TENT5D: variants seen among roughly 807,000 people sequenced by gnomAD.
TENT5D encodes the protein terminal nucleotidyltransferase 5D.
For synonymous variants in TENT5D, 103 were observed against 100.6 expected (o/e 1.02, Z -0.15); for missense variants, 191 against 287.0 (o/e 0.67, Z 2.42).
At chrX:80,342,007 G>A (rs1415525367) in intron 2 of TENT5D, among the ~76,000 whole-genome samples, 36 of 111,027 alleles carry the variant, frequency 3.2e-4, no homozygotes, top group South Asian at 3.8e-4. Context: ...CACCGCGCCC[G>A]GCCATAATTC....
chrX:80,350,151 T>C (rs1319661421), intron 3 of TENT5D, among the ~76,000 whole-genome samples: 1 of 111,734 alleles, frequency 8.9e-6, no homozygotes, highest in Non-Finnish European at 1.9e-5. Context: ...GTTCTGTAGA[T>C]GTCTACTAGG....
chrX:80,390,079 A>G (rs760108106), intron 3 of TENT5D, among the ~76,000 whole-genome samples: 1 of 111,592 alleles, frequency 9.0e-6, no homozygotes, highest in South Asian at 3.8e-4. Flanking sequence ...ATTCATTCAT[A>G]GTTAACAAGA....
rs745515047 is a variant in TENT5D at position 80,443,627 on chromosome X, T to C, written c.1088T>C (p.Ile363Thr). 7 of 1,210,400 alleles carry C rather than the reference T, an allele frequency of 5.8e-6. No homozygotes were observed. Among genetic ancestry groups the C allele is most frequent in the Non-Finnish European group, 7.8e-6 (7 of 894,629 alleles). The change falls in exon 3 of 3, where the codon ATT (isoleucine) becomes ACT (threonine). Residue 363 changes from isoleucine (I) to threonine (T), a missense_variant. Transcript: ENST00000308293. ...TTTGCAGCTGAGGCAAGGTACCCTA[T>C]TTATGTAATACCTGAGCCACCCCCC...
intron 3 of TENT5D, among the ~76,000 whole-genome samples, chrX:80,408,652 C>T (rs1384704298): frequency 1.8e-5 from 2 of 110,587 alleles, no homozygotes; most frequent in African/African-American, 3.3e-5. Context: ...GATTCACAGC[C>T]GAATTCTACC....
chrX:80,337,495 A>G (rs1045496056), intron 2 of TENT5D, among the ~76,000 whole-genome samples: 7 of 111,764 alleles, frequency 6.3e-5, no homozygotes, highest in African/African-American at 2.3e-4. Context: ...AATTTTGTAT[A>G]CATGAAATGA....
exon 3 of TENT5D, chrX:80,443,143 G>T: frequency 8.3e-7 from 1 of 1,211,090 alleles, no homozygotes; most frequent in Non-Finnish European, 1.1e-6. Context: ...CTATCCTGTT[G>T]TGGTAGCTGA....
chrX:80,412,995 A>G (rs934740627), intron 3 of TENT5D, among the ~76,000 whole-genome samples: 1 of 110,970 alleles, frequency 9.0e-6, no homozygotes, highest in African/African-American at 3.3e-5. Flanking sequence ...TAACCAACCA[A>G]TGTTAAATGT....
At chrX:80,383,388 G>T (rs1930916920) in intron 3 of TENT5D, among the ~76,000 whole-genome samples, 1 of 111,608 alleles carries the variant, frequency 9.0e-6, no homozygotes, top group Admixed American at 9.5e-5. Flanking sequence ...CCAGAGAACT[G>T]CCCTTGGCTG....
chrX:80,437,474 G>GT (rs1308994692), intron 1 of TENT5D, among the ~76,000 whole-genome samples: 2 of 111,470 alleles, frequency 1.8e-5, no homozygotes, highest in Non-Finnish European at 3.8e-5. Context: ...TTATTTTATA[G>GT]TTTTTTTATT....
rs1932304309 is a variant in TENT5D, at chrX:80,442,518, C to T, written c.-18-4C>T. ...TTCTTCCCAATATTTTGTTTGCTGT[C>T]TAGTGATCTACTGACTTCACAATGT... is the stretch of plus-strand genomic sequence containing the variant. On this transcript the variant is annotated splice_region_variant and splice_polypyrimidine_tract_variant and intron_variant, in intron 2 of 2. Transcript: ENST00000308293. 8.7e-7 allele frequency: 1 copy of T among 1,151,234 alleles called. No homozygotes were observed. The highest frequency in any genetic ancestry group is 1.2e-6 in the Non-Finnish European group (1 of 850,965). 94.9% of individuals were successfully genotyped at this position (1,151,234 alleles called of 1,213,427 possible). A position where few individuals can be genotyped will look rare whatever the true frequency, so the allele number is the denominator to read the frequency against.
chrX:80,350,788 G>A (rs1486885681), intron 3 of TENT5D, among the ~76,000 whole-genome samples: 4 of 111,662 alleles, frequency 3.6e-5, no homozygotes, highest in Non-Finnish European at 7.5e-5. Context: ...TGCTGGTACT[G>A]GTTTTTCCTT....
intron 1 of TENT5D, among the ~76,000 whole-genome samples, chrX:80,432,837 G>A (rs1474046766): frequency 9.0e-6 from 1 of 110,782 alleles, no homozygotes; most frequent in Non-Finnish European, 1.9e-5. Flanking sequence ...TGAGGTTGGG[G>A]TCCGGGGTTT....
chrX:80,399,244 A>T (rs1356463470), intron 3 of TENT5D, among the ~76,000 whole-genome samples: 6 of 112,117 alleles, frequency 5.4e-5, no homozygotes, highest in Admixed American at 1.9e-4. Context: ...TATAGTTTCA[A>T]GTCTCATTTT....
At chrX:80,391,235 A>G (rs1931119704) in intron 3 of TENT5D, among the ~76,000 whole-genome samples, 1 of 111,753 alleles carries the variant, frequency 8.9e-6, no homozygotes. Context: ...TTGCCATAAG[A>G]AAGCAGAAAT....
rs1018905108 is a variant in TENT5D at position 80,346,791 on chromosome X, A to G, written c.-142+4227A>G. ...TCATCATCTCGGTTTTCAGCCCCGC[A>G]TGCATTAGGTATTTGTCCTAATGCT... On this transcript the variant is annotated intron_variant, in intron 3 of 4. Coordinates refer to the TENT5D transcript ENST00000538312. Among the ~76,000 whole-genome samples the G allele has an allele frequency of 6.4e-5, 7 of 109,854 alleles. No individual in the cohort carries two copies. In the Admixed American group the frequency reaches 6.8e-4, roughly 11 times the overall value.
At chrX:80,357,494 G>A (rs1930309547) in intron 3 of TENT5D, among the ~76,000 whole-genome samples, 1 of 110,145 alleles carries the variant, frequency 9.1e-6, no homozygotes, top group South Asian at 4.0e-4. Flanking sequence ...GTTTTGATTT[G>A]CATTTCTCTG....
At chrX:80,361,002 A>G (rs1265417622) in intron 3 of TENT5D, among the ~76,000 whole-genome samples, 1 of 111,530 alleles carries the variant, frequency 9.0e-6, no homozygotes, top group Non-Finnish European at 1.9e-5. Flanking sequence ...TGCCATATAC[A>G]ATATTTGAGT....
intron 1 of TENT5D, among the ~76,000 whole-genome samples, chrX:80,434,650 T>G (rs1932149305): frequency 9.0e-6 from 1 of 111,437 alleles, no homozygotes; most frequent in African/African-American, 3.3e-5. Context: ...AGTTTGTGAA[T>G]TGACCCAAAT....
At chrX:80,401,216 G>A (rs1332078118) in intron 3 of TENT5D, among the ~76,000 whole-genome samples, 1 of 111,604 alleles carries the variant, frequency 9.0e-6, no homozygotes, top group Non-Finnish European at 1.9e-5. Context: ...TTTGGAAAAT[G>A]TGTTGTTAAT....
Sources: gnomAD v4.1 joint callset for allele counts (sites outside exome capture counted in the v4.1 genomes callset) on GRCh38, gnomAD v4.1.1 for gene constraint, MANE v1.5 for transcripts, NCBI Gene and HGNC (gene_info 2026-07-23, HGNC 2026-07-21) for gene names.